The following AGMO variants were observed in gnomAD, a reference collection of about 807,000 sequenced individuals.
AGMO encodes the protein glyceryl-ether monooxygenase.
Under a neutral mutation model 60.2 loss-of-function variants are expected in AGMO, and 75 were observed. That is an observed-to-expected ratio of 1.25 (90% CI 1.03 to 1.51). The LOEUF (loss-of-function observed/expected upper bound fraction) is 1.51. AGMO is among the 40% of genes most tolerant of loss of function. AGMO has a pLI of 0.00. For missense variants in AGMO, 763 were observed against 525.5 expected, an observed-to-expected ratio of 1.45 and a Z score of -4.42; for synonymous variants, 261 against 177.1, an observed-to-expected ratio of 1.47 and a Z score of -3.76.
intron 4 of AGMO, among the ~76,000 whole-genome samples, chr7:15,422,386 G>GA (rs575623444): frequency 2.9e-4 from 43 of 150,842 alleles, no homozygotes; most frequent in African/African-American, 8.0e-4. Context: ...AAGTCCAAGA[G>GA]AAAAAAAACA....
chr7:15,369,691 C>T (rs1351046706), intron 10 of AGMO, among the ~76,000 whole-genome samples: 1 of 152,108 alleles, frequency 6.6e-6, no homozygotes, highest in Non-Finnish European at 1.5e-5. Context: ...TTTGTTGGTG[C>T]ATTCTCTGTT....
intron 12 of AGMO, among the ~76,000 whole-genome samples, chr7:15,256,600 G>A (rs141708036): frequency 1.3e-5 from 2 of 152,260 alleles, no homozygotes; most frequent in East Asian, 3.9e-4. Context: ...CTGACCTCGT[G>A]TTCCACCCAC....
At chr7:15,560,308 T>C in intron 1 of AGMO, 37 bp from the exon 2 acceptor site, 1 of 1,587,200 alleles carries the variant, frequency 6.3e-7, no homozygotes, top group Non-Finnish European at 8.6e-7. Context: ...TGCTATTATG[T>C]TCCATATGAA....
the AGMO span, among the ~76,000 whole-genome samples, chr7:15,191,512 A>G: frequency 1.7e-4 from 26 of 152,306 alleles, no homozygotes; most frequent in African/African-American, 5.8e-4. Flanking sequence ...CAGATGACAT[A>G]GTTGAGACTA....
Position 15,334,952 on chromosome 7 carries a change from A to G in AGMO, c.1263+30562T>C, listed in dbSNP as rs79485100. ...CTTTACTGGCTCTATTTTAGTCAGA[A>G]AAGTCATGCACCAAAATTAAATGTC... On this transcript the variant is annotated intron_variant, in intron 12 of 12. Coordinates refer to ENST00000342526, the MANE Select transcript of AGMO (RefSeq NM_001004320.2). Among the ~76,000 whole-genome samples the G allele has an allele frequency of 5.4e-3, 819 of 152,270 alleles. 13 individuals are homozygous for G. Among genetic ancestry groups the G allele is most frequent in the African/African-American group, 0.019 (771 of 41,570 alleles).
intron 10 of AGMO, among the ~76,000 whole-genome samples, chr7:15,376,768 G>C (rs73066509): frequency 3.3e-5 from 5 of 151,806 alleles, no homozygotes; most frequent in African/African-American, 9.7e-5. Flanking sequence ...CCAGGAAGTG[G>C]ACACTGGCAG....
intron 2 of AGMO, among the ~76,000 whole-genome samples, chr7:15,546,086 C>T (rs1784775248): frequency 6.6e-6 from 1 of 152,028 alleles, no homozygotes; most frequent in Non-Finnish European, 1.5e-5. Context: ...TTTACTGGGT[C>T]TTTTAAAGAT....
chr7:15,326,955 T>C (rs754774755), intron 12 of AGMO, among the ~76,000 whole-genome samples: 3 of 152,208 alleles, frequency 2.0e-5, no homozygotes, highest in Non-Finnish European at 4.4e-5. Context: ...AAGTTTGCCA[T>C]TTTCCAGAGG....
At chr7:15,481,290 T>G (rs1022401476) in intron 3 of AGMO, among the ~76,000 whole-genome samples, 1 of 152,130 alleles carries the variant, frequency 6.6e-6, no homozygotes, top group Non-Finnish European at 1.5e-5. Flanking sequence ...TGCAACGGAA[T>G]CTTTGTCAGT....
chr7:15,183,966 A>C, the AGMO span, among the ~76,000 whole-genome samples: 47 of 152,190 alleles, frequency 3.1e-4, no homozygotes, highest in African/African-American at 1.1e-3. Context: ...TGTTATTGTT[A>C]AGCAAATTTT....
chr7:15,387,517 C>G lies in AGMO; in HGVS notation c.846G>C (p.Trp282Cys). 6.2e-7 allele frequency: 1 copy of G among 1,611,696 alleles called. No homozygotes were observed. Among genetic ancestry groups the G allele is most frequent in the Non-Finnish European group, 8.5e-7 (1 of 1,179,064 alleles). The change falls in exon 9 of 13, where the codon TGG becomes TGC. Residue 282 changes from tryptophan (W) to cysteine (C), a missense_variant. Coordinates refer to ENST00000342526, the MANE Select transcript of AGMO (RefSeq NM_001004320.2). ...KVQFHHLFSI[W>C]TTFWATPGFF... The stretch of plus-strand genomic sequence containing the variant: ...ATCCAGGTGTGGCCCAGAATGTAGT[C>G]CATATGGAAAATAAGTGATGGAACT...
intron 3 of AGMO, among the ~76,000 whole-genome samples, chr7:15,512,711 G>T (rs2128531114): frequency 6.6e-6 from 1 of 152,132 alleles, no homozygotes; most frequent in Non-Finnish European, 1.5e-5. Context: ...ATATTTTCTA[G>T]AAATTTTTCT....
chr7:15,497,175 G>C (rs1456608968), intron 3 of AGMO, among the ~76,000 whole-genome samples: 2 of 152,096 alleles, frequency 1.3e-5, no homozygotes, highest in African/African-American at 4.8e-5. Context: ...GAGATAATTT[G>C]ACACATTTAG....
chr7:15,359,307 AG>A (rs1173882858), intron 12 of AGMO, among the ~76,000 whole-genome samples: 2 of 150,550 alleles, frequency 1.3e-5, no homozygotes, highest in South Asian at 4.2e-4. Context: ...AAAAAAAAAA[AG>A]AAATTAGATT....
At chr7:15,343,439 G>C (rs1266070927) in intron 12 of AGMO, among the ~76,000 whole-genome samples, 1 of 152,112 alleles carries the variant, frequency 6.6e-6, no homozygotes, top group Non-Finnish European at 1.5e-5. Flanking sequence ...CAAATCTTAG[G>C]ATTAAGAGAT....
chr7:15,230,575 C>G (rs1418329408), intron 12 of AGMO, among the ~76,000 whole-genome samples: 1 of 152,166 alleles, frequency 6.6e-6, no homozygotes, highest in Non-Finnish European at 1.5e-5. Flanking sequence ...TCTGTTGGGT[C>G]ATGCTCTTTG....
the AGMO span, among the ~76,000 whole-genome samples, chr7:15,178,278 C>T: frequency 6.6e-6 from 1 of 152,182 alleles, no homozygotes; most frequent in Non-Finnish European, 1.5e-5. Flanking sequence ...TTGATTCTAA[C>T]TACTGACTTC....
the AGMO span, among the ~76,000 whole-genome samples, chr7:15,189,445 T>C: frequency 6.6e-6 from 1 of 152,314 alleles, no homozygotes; most frequent in African/African-American, 2.4e-5. Context: ...ATAGCTGATT[T>C]TCCATTTGGA....
intron 12 of AGMO, among the ~76,000 whole-genome samples, chr7:15,205,464 A>G (rs552901904): frequency 1.3e-5 from 2 of 152,298 alleles, no homozygotes; most frequent in Non-Finnish European, 2.9e-5. Context: ...AATAGAAAAC[A>G]TTCATTGAGA....
Sources: allele counts gnomAD v4.1 joint callset (sites outside exome capture counted in the v4.1 genomes callset), GRCh38; gene constraint gnomAD v4.1.1; transcripts MANE v1.5; gene names NCBI Gene and HGNC (gene_info 2026-07-23, HGNC 2026-07-21).